The following EQTN variants were observed in gnomAD, a reference collection of about 807,000 sequenced individuals.
EQTN encodes equatorin.
EQTN carries 29 observed loss-of-function variants against 26.9 expected under a neutral mutation model. The ratio of observed to expected loss-of-function variants is 1.08; its 90% confidence interval spans 0.80 to 1.47. EQTN has a LOEUF of 1.47. Among genes scored for constraint, EQTN ranks in the 40% most tolerant of loss-of-function variants. The pLI is 0.00. For missense variants in EQTN, 391 were observed against 346.1 expected (o/e 1.13, Z -1.03); for synonymous variants, 129 against 120.0 (o/e 1.07, Z -0.49).
In EQTN at chr9:27,286,327, G is replaced by T. The variant is rs910539241; in HGVS notation, c.517C>A (p.Pro173Thr). 1.2e-6 allele frequency: 2 copies of T among 1,603,316 alleles called. No individual in the cohort carries two copies. The highest frequency in any genetic ancestry group is 1.7e-5 in the Admixed American group (1 of 58,288). ...TTGATCTTCAGATCCTCTAGATCTG[G>T]CTGATTTTCTCCCTGTGTAGCATTC... ...DVNATQGENQ[P>T]DLEDLKIKIM... Residue 173 changes from proline (P) to threonine (T), a missense_variant, in exon 7 of 8, where the codon CCA (proline) becomes ACA (threonine). By Grantham distance (38) the Pro-to-Thr change is conservative. Coordinates refer to ENST00000380032, the MANE Select transcript of EQTN (RefSeq NM_020641.3).
intron 6 of EQTN, 65 bp from the exon 7 acceptor site, chr9:27,286,427 TTGCA>T: frequency 6.7e-7 from 1 of 1,487,350 alleles, no homozygotes; most frequent in Admixed American, 2.0e-5. Flanking sequence ...GGAGTAAAGA[TTGCA>T]AAGCAAATAC....
Position 27,286,314 on chromosome 9 carries a change from T to A in EQTN, c.530A>T (p.Asp177Val). The A allele has an allele frequency of 6.2e-7, 1 of 1,607,708 alleles. No individual in the cohort carries two copies. The highest frequency in any genetic ancestry group is 8.5e-7 in the Non-Finnish European group (1 of 1,176,938). Reference sequence around the variant, plus strand: ...TCCCAGCATTATTTTGATCTTCAGATCCTCTAGATCTGGCTGATTTTCTCC... The same window carrying A: ...TCCCAGCATTATTTTGATCTTCAGAACCTCTAGATCTGGCTGATTTTCTCC... ...TQGENQPDLEDLKIKIMLGIS... is the reference protein window; with the variant it reads ...TQGENQPDLEVLKIKIMLGIS... Residue 177 changes from aspartate (D) to valine (V), a missense_variant, in exon 7 of 8, where the codon GAT (aspartate) becomes GTT (valine). Physicochemically the swap from Asp to Val is radical, Grantham distance 152 (BLOSUM62 -3). Transcript: ENST00000380032.
rs1177106802 is a variant in EQTN, at chr9:27,294,376, C to T, written c.229G>A (p.Gly77Ser). The change falls in exon 3 of 8, where the codon GGC becomes AGC. Residue 77 changes from glycine to serine, a missense_variant. Transcript: ENST00000380032. ...QYVFTTQNPN[G>S]TESEISVRAT... Reference sequence around the variant, plus strand: ...CTCACAGATATTTCAGACTCAGTGCCATTTGGATTTTGTGTTGTGAACACA... The same window carrying T: ...CTCACAGATATTTCAGACTCAGTGCTATTTGGATTTTGTGTTGTGAACACA... 1 of 1,609,834 alleles carries T rather than the reference C, an allele frequency of 6.2e-7. No individual in the cohort carries two copies. The highest frequency in any genetic ancestry group is 1.3e-5 in the African/African-American group (1 of 74,886).
chr9:27,290,568 G>A (rs1411946261), intron 5 of EQTN, among the ~76,000 whole-genome samples: 1 of 152,118 alleles, frequency 6.6e-6, no homozygotes, highest in Non-Finnish European at 1.5e-5. Context: ...ATCCATATAT[G>A]CACATGCATT....
intron 6 of EQTN, among the ~76,000 whole-genome samples, chr9:27,289,325 C>T (rs568913323): frequency 2.0e-4 from 30 of 152,220 alleles, no homozygotes; most frequent in African/African-American, 7.2e-4. Flanking sequence ...CAGTGAATGT[C>T]CTCTCTGAGA....
intron 7 of EQTN, among the ~76,000 whole-genome samples, chr9:27,285,848 T>G (rs1587108495): frequency 1.3e-5 from 2 of 152,304 alleles, no homozygotes; most frequent in South Asian, 4.1e-4. Context: ...AGATTGGCTG[T>G]TTTTTCAAAG....
chr9:27,293,706 ATGT>A (rs1820282283), intron 3 of EQTN, among the ~76,000 whole-genome samples: 1 of 152,154 alleles, frequency 6.6e-6, no homozygotes, highest in Admixed American at 6.5e-5. Flanking sequence ...ACAACTCAAG[ATGT>A]TGTTTGTTGT....
At chr9:27,294,878 A>G (rs1820305774) in intron 2 of EQTN, among the ~76,000 whole-genome samples, 1 of 152,236 alleles carries the variant, frequency 6.6e-6, no homozygotes, top group Non-Finnish European at 1.5e-5. Context: ...CACATAAAGA[A>G]TGCTGCTCTT....
intron 4 of EQTN, 51 bp downstream of exon 4, chr9:27,292,350 G>A: frequency 7.9e-7 from 1 of 1,263,248 alleles, no homozygotes; most frequent in Non-Finnish European, 1.1e-6. Flanking sequence ...AAATTTTTAA[G>A]TCACATAATG....
At chr9:27,296,565 G>C in intron 2 of EQTN, 48 bp downstream of exon 2, 1 of 1,291,240 alleles carries the variant, frequency 7.7e-7, no homozygotes, top group Non-Finnish European at 1.1e-6. Flanking sequence ...AGTGAAACCA[G>C]GATAATCAAC....
intron 2 of EQTN, among the ~76,000 whole-genome samples, chr9:27,294,698 G>A (rs1028587519): frequency 4.6e-5 from 7 of 152,154 alleles, no homozygotes; most frequent in Non-Finnish European, 1.0e-4. Flanking sequence ...AAGTAGATTT[G>A]TAGATGTGCA....
In EQTN at chr9:27,289,704, T is replaced by A; in HGVS notation, c.449A>T (p.Asp150Val). ...TGGGTGAAATAATTGATCTTTATCA[T>A]CCATGACCACTGCTGTTCCATTTAT... ...KAINGTAVVM[D>V]DKDQLFHPIP... The change falls in exon 6 of 8, where the codon GAT (aspartate) becomes GTT (valine). Residue 150 changes from aspartate (D) to valine (V), a missense_variant. Transcript: ENST00000380032. 6.2e-7 allele frequency: 1 copy of A among 1,608,322 alleles called. No individual in the cohort carries two copies. Among genetic ancestry groups the A allele is most frequent in the Admixed American group, 1.7e-5 (1 of 59,326 alleles).
At chr9:27,289,828 T>G in intron 5 of EQTN, 97 bp from the exon 6 acceptor site, 2 of 868,128 alleles carry the variant, frequency 2.3e-6, no homozygotes, top group Non-Finnish European at 3.5e-6. Flanking sequence ...ACCCAGTGTG[T>G]GTACAGTCTG....
In EQTN at chr9:27,284,805, G is replaced by A; in HGVS notation, c.803C>T (p.Ser268Leu). 6.2e-7 allele frequency: 1 copy of A among 1,614,016 alleles called. No homozygotes were observed. Among genetic ancestry groups the A allele is most frequent in the Non-Finnish European group, 8.5e-7 (1 of 1,179,980 alleles). ...SDMRRSGTRT[S>L]ESKIMTDIIS... is the part of the protein sequence containing the mutation. ...GATATCCGTCATTATCTTAGATTCT[G>A]ATGTTCTTGTGCCTGATCTTCTCAT... The change falls in exon 8 of 8, where the codon TCA becomes TTA. Residue 268 changes from serine (S) to leucine (L), a missense_variant. By Grantham distance (145) the Ser-to-Leu change is moderately radical. Coordinates refer to ENST00000380032, the MANE Select transcript of EQTN (RefSeq NM_020641.3).
intron 6 of EQTN, among the ~76,000 whole-genome samples, chr9:27,287,576 G>A (rs1196369915): frequency 1.3e-5 from 2 of 152,134 alleles, no homozygotes; most frequent in Admixed American, 6.5e-5. Flanking sequence ...ACTGTAAAAT[G>A]AAGATAATAC....
chr9:27,290,956 A>C lies in EQTN; in HGVS notation c.421+63T>G, dbSNP rs1217631442. On this transcript the variant is annotated intron_variant, in intron 5 of 7. Coordinates refer to ENST00000380032, the MANE Select transcript of EQTN (RefSeq NM_020641.3). ...TATTAGAGGTATTTAGACTGATCTTAGCTCTAAGTAAGATTTTAGAAAACC... is the reference window on the plus strand; with the variant it reads ...TATTAGAGGTATTTAGACTGATCTTCGCTCTAAGTAAGATTTTAGAAAACC... 1.9e-5 allele frequency: 27 copies of C among 1,451,100 alleles called. No homozygotes were observed. The East Asian group carries it at 5.7e-4, about 31-fold the overall frequency. 89.9% of individuals were successfully genotyped at this position (1,451,100 alleles called of 1,614,324 possible). A position where few individuals can be genotyped will look rare whatever the true frequency, so the allele number is the denominator to read the frequency against.
chr9:27,288,076 G>A (rs979088661), intron 6 of EQTN, among the ~76,000 whole-genome samples: 6 of 152,188 alleles, frequency 3.9e-5, no homozygotes, highest in Non-Finnish European at 7.3e-5. Context: ...AAAGTGCTGG[G>A]ATTACAGTAC....
chr9:27,285,146 T>C (rs1820094305), intron 7 of EQTN, among the ~76,000 whole-genome samples, 174 bp from the exon 8 acceptor site: 2 of 129,884 alleles, frequency 1.5e-5, no homozygotes, highest in African/African-American at 2.9e-5. Flanking sequence ...TTTTTTTTTT[T>C]TTTTTTTTTT....
intron 3 of EQTN, among the ~76,000 whole-genome samples, chr9:27,293,842 G>A (rs943806298): frequency 1.3e-5 from 2 of 152,124 alleles, no homozygotes; most frequent in Non-Finnish European, 2.9e-5. Context: ...AAGTAGCTTT[G>A]TTAATAATTA....
Sources: allele counts gnomAD v4.1 joint callset (sites outside exome capture counted in the v4.1 genomes callset), GRCh38; gene constraint gnomAD v4.1.1; transcripts MANE v1.5; gene names NCBI Gene and HGNC (gene_info 2026-07-23, HGNC 2026-07-21).